Variants in ADARB2 observed in about 807,000 individuals in gnomAD.
ADARB2 encodes the protein inactive double-stranded RNA-specific editase B2.
ADARB2 carries 25 observed loss-of-function variants against 62.2 expected under a neutral mutation model. The observed-to-expected ratio is 0.40, with a 90% CI of 0.29 to 0.56. The LOEUF (loss-of-function observed/expected upper bound fraction) is 0.56. Ranked by LOEUF, ADARB2 falls within the 20% of genes least tolerant of loss-of-function variation. The pLI is 0.43. For missense variants in ADARB2, 1,071 were observed against 1,077.4 expected, an observed-to-expected ratio of 0.99 and a Z score of 0.08; for synonymous variants, 572 against 500.8, an observed-to-expected ratio of 1.14 and a Z score of -1.90.
At chr10:1,508,398 G>A (rs1831879213) in intron 1 of ADARB2, among the ~76,000 whole-genome samples, 1 of 152,232 alleles carries the variant, frequency 6.6e-6, no homozygotes, top group Non-Finnish European at 1.5e-5. Context: ...GGAGAACCCA[G>A]TAAACCTGCC....
intron 1 of ADARB2, among the ~76,000 whole-genome samples, chr10:1,560,785 T>C (rs1359806689): frequency 1.3e-5 from 2 of 152,220 alleles, no homozygotes; most frequent in African/African-American, 4.8e-5. Context: ...GTCATCTGTC[T>C]ACACCGAGCC....
intron 1 of ADARB2, among the ~76,000 whole-genome samples, chr10:1,494,360 T>C (rs1831662316): frequency 6.6e-6 from 1 of 152,196 alleles, no homozygotes; most frequent in Non-Finnish European, 1.5e-5. Flanking sequence ...TTTATTTACT[T>C]TGAAATATGT....
At chr10:1,659,961 C>A (rs969593023) in intron 1 of ADARB2, among the ~76,000 whole-genome samples, 5 of 150,994 alleles carry the variant, frequency 3.3e-5, no homozygotes, top group African/African-American at 1.2e-4. Context: ...ACCCATCATG[C>A]TGCTTCTGGG....
intron 1 of ADARB2, among the ~76,000 whole-genome samples, chr10:1,511,829 G>A (rs1374686427): frequency 6.6e-6 from 1 of 151,332 alleles, no homozygotes; most frequent in Non-Finnish European, 1.5e-5. Flanking sequence ...GTCTACACTG[G>A]ATACTAAGAC....
chr10:1,277,932 G>GCTTCCTTC (rs112142041), intron 3 of ADARB2, among the ~76,000 whole-genome samples: 1 of 151,410 alleles, frequency 6.6e-6, no homozygotes, highest in South Asian at 2.1e-4. Flanking sequence ...CTTTCTTTCT[G>GCTTCCTTC]CTTCCTTCCT....
At chr10:1,200,432 T>C (rs1308162789) in intron 7 of ADARB2, 1 of 472,234 alleles carries the variant, frequency 2.1e-6, no homozygotes, top group Non-Finnish European at 3.7e-6. Flanking sequence ...CTGTGGGACT[T>C]AGAATTAGAT....
intron 1 of ADARB2, among the ~76,000 whole-genome samples, chr10:1,521,082 G>A (rs764346234): frequency 5.3e-5 from 8 of 152,146 alleles, no homozygotes; most frequent in Middle Eastern, 3.2e-3. Flanking sequence ...TCAGGGACTC[G>A]GAATTAATAC....
At chr10:1,270,724 G>A (rs1244046091) in intron 4 of ADARB2, among the ~76,000 whole-genome samples, 1 of 152,206 alleles carries the variant, frequency 6.6e-6, no homozygotes, top group Non-Finnish European at 1.5e-5. Flanking sequence ...AGAGACGGGG[G>A]ATGCCCAAGC....
chr10:1,368,431 C>T (rs753030242), intron 2 of ADARB2, among the ~76,000 whole-genome samples: 12 of 152,072 alleles, frequency 7.9e-5, no homozygotes, highest in East Asian at 7.7e-4. Context: ...TCTCTCTGTC[C>T]GGGCCCTACT....
At chr10:1,523,496 A>G (rs1313330171) in intron 1 of ADARB2, among the ~76,000 whole-genome samples, 2 of 152,098 alleles carry the variant, frequency 1.3e-5, no homozygotes. Flanking sequence ...TGCTTAAAGA[A>G]CCTGCCAGAG....
intron 1 of ADARB2, among the ~76,000 whole-genome samples, chr10:1,543,446 T>C (rs1832469803): frequency 6.6e-6 from 1 of 152,228 alleles, no homozygotes; most frequent in Admixed American, 6.5e-5. Context: ...GCTCATTGTA[T>C]CTAAAAAGAG....
At chr10:1,523,100 G>A (rs1187174411) in intron 1 of ADARB2, among the ~76,000 whole-genome samples, 1 of 152,138 alleles carries the variant, frequency 6.6e-6, no homozygotes, top group Non-Finnish European at 1.5e-5. Context: ...ATAGCAAATC[G>A]ATAACACTAT....
At position 1,219,915 on chromosome 10, in the gene ADARB2, GCGA is replaced by G. The variant is rs1465702193; in HGVS notation, c.1514-2799_1514-2797del. Among the ~76,000 whole-genome samples the G allele has an allele frequency of 8.4e-4, 107 of 126,756 alleles. No individual in the cohort carries two copies. In the South Asian group the frequency reaches 0.019, roughly 22 times the overall value. 83.2% of individuals were successfully genotyped at this position (126,756 alleles called of 152,430 possible). A position where few individuals can be genotyped will look rare whatever the true frequency, so the allele number is the denominator to read the frequency against. ...GGTGATAATGATGGTAATGGTGGTG[GCGA>G]TGATGGTGATGGTGATGATGGTGGT... On this transcript the variant is annotated intron_variant, in intron 6 of 9. Transcript: ENST00000381312.
intron 4 of ADARB2, among the ~76,000 whole-genome samples, chr10:1,258,812 A>G (rs1465739110): frequency 1.3e-5 from 2 of 152,224 alleles, no homozygotes; most frequent in Non-Finnish European, 2.9e-5. Flanking sequence ...ATAGACATCT[A>G]CAGAAGTCTC....
intron 8 of ADARB2, chr10:1,188,137 G>A (rs1836787767): frequency 6.5e-6 from 1 of 153,354 alleles, no homozygotes; most frequent in Non-Finnish European, 1.5e-5. Flanking sequence ...TGTGGCCCGA[G>A]GTCATCCTCC....
intron 1 of ADARB2, among the ~76,000 whole-genome samples, chr10:1,619,615 C>A (rs937701293): frequency 1.3e-5 from 2 of 152,120 alleles, no homozygotes; most frequent in African/African-American, 4.8e-5. Flanking sequence ...CCATGCCCAG[C>A]TAATTTTTAT....
At chr10:1,283,492 A>G (rs1372715766) in intron 3 of ADARB2, among the ~76,000 whole-genome samples, 1 of 152,232 alleles carries the variant, frequency 6.6e-6, no homozygotes, top group Admixed American at 6.5e-5. Flanking sequence ...GTTGTCCATC[A>G]TGAGAATAAC....
At chr10:1,375,522 G>GA (rs1165103729) in intron 2 of ADARB2, among the ~76,000 whole-genome samples, 1 of 152,230 alleles carries the variant, frequency 6.6e-6, no homozygotes, top group African/African-American at 2.4e-5. Context: ...ATGACCCTGT[G>GA]AGGTTGTGGG....
chr10:1,638,875 T>C (rs1385485161), intron 1 of ADARB2, among the ~76,000 whole-genome samples: 1 of 152,230 alleles, frequency 6.6e-6, no homozygotes, highest in Non-Finnish European at 1.5e-5. Context: ...CACATACTTC[T>C]CATCCGTGCT....
Sources: gnomAD v4.1 joint callset for allele counts (sites outside exome capture counted in the v4.1 genomes callset) on GRCh38, gnomAD v4.1.1 for gene constraint, MANE v1.5 for transcripts, NCBI Gene and HGNC (gene_info 2026-07-23, HGNC 2026-07-21) for gene names.